The following UGT2B11 variants were observed in gnomAD, a reference collection of about 807,000 sequenced individuals.
The protein encoded by UGT2B11 is UDP-glucuronosyltransferase 2B11.
Under a neutral mutation model 51.7 loss-of-function variants are expected in UGT2B11, and 49 were observed. The ratio of observed to expected loss-of-function variants is 0.95; its 90% CI spans 0.75 to 1.20. The LOEUF is 1.20. Among genes scored for constraint, UGT2B11 ranks in the 50% most tolerant of loss-of-function variants. The probability of loss-of-function intolerance (pLI) is 0.00; values close to 1 mark genes in which losing one functional copy is unlikely to be tolerated. For synonymous variants in UGT2B11, 273 were observed against 209.0 expected (o/e 1.31, Z -2.64); for missense variants, 810 against 622.1 (o/e 1.30, Z -3.21).
chr4:69,214,025 T>C lies in UGT2B11; in HGVS notation c.698A>G (p.Asp233Gly), dbSNP rs1401225290. The C allele has an allele frequency of 2.5e-6, 4 of 1,591,458 alleles. No individual in the cohort carries two copies. In the East Asian group the frequency reaches 8.9e-5, roughly 36 times the overall value. The change falls in exon 1 of 6, where the codon GAT becomes GGT. Residue 233 changes from aspartate (D) to glycine (G), a missense_variant. Transcript: ENST00000446444. ...ACCTAAAACTTCACTGTAAAACTGATCCCACTTCTTCATATCAGACATTTG... is the reference window on the plus strand; with the variant it reads ...ACCTAAAACTTCACTGTAAAACTGACCCCACTTCTTCATATCAGACATTTG... Reference protein sequence around the residue: ...WFQMSDMKKWDQFYSEVLGRP... With the variant: ...WFQMSDMKKWGQFYSEVLGRP...
chr4:69,220,515 C>T, the UGT2B11 span, among the ~76,000 whole-genome samples: 1 of 1,338 alleles, frequency 7.5e-4, no homozygotes, highest in Non-Finnish European at 0.02. Flanking sequence ...AGAGTTTCTT[C>T]ATGATTGTCT....
upstream of UGT2B11, among the ~76,000 whole-genome samples, chr4:69,217,311 G>C (rs774233098): frequency 6.6e-6 from 1 of 152,122 alleles, no homozygotes; most frequent in Non-Finnish European, 1.5e-5. Flanking sequence ...TCACAAAACA[G>C]ACAAATTTGT....
intron 2 of UGT2B11, among the ~76,000 whole-genome samples, chr4:69,209,934 T>G (rs1216344060): frequency 1.3e-5 from 2 of 151,594 alleles, no homozygotes; most frequent in South Asian, 2.1e-4. Context: ...TATGAAAAGT[T>G]TTTTAAAAAA....
At chr4:69,216,111 A>G (rs1211461967), upstream of UGT2B11, 1 of 151,994 alleles carries the variant, frequency 6.6e-6, no homozygotes, top group Non-Finnish European at 1.5e-5. Context: ...TTGTAAATGG[A>G]TGATAGTAGA....
the UGT2B11 span, among the ~76,000 whole-genome samples, chr4:69,224,111 G>A: frequency 6.6e-6 from 1 of 152,160 alleles, no homozygotes; most frequent in African/African-American, 2.4e-5. Flanking sequence ...ACCATGAACA[G>A]GGATCTTCCG....
At chr4:69,211,676 C>A (rs545958305) in intron 2 of UGT2B11, among the ~76,000 whole-genome samples, 1 of 151,486 alleles carries the variant, frequency 6.6e-6, no homozygotes, top group Admixed American at 6.6e-5. Flanking sequence ...CTAATGATTT[C>A]TATCAACATT....
chr4:69,218,024 G>A (rs971555441), upstream of UGT2B11, among the ~76,000 whole-genome samples: 4 of 152,104 alleles, frequency 2.6e-5, no homozygotes, highest in African/African-American at 2.4e-5. Context: ...TGCTAATACA[G>A]TCATTTTGGT....
the UGT2B11 span, among the ~76,000 whole-genome samples, chr4:69,223,613 C>T: frequency 1.7e-4 from 26 of 152,268 alleles, no homozygotes; most frequent in East Asian, 5.8e-4. Flanking sequence ...GCCCAATTTA[C>T]GTGGGCCTGG....
chr4:69,224,235 A>C, the UGT2B11 span, among the ~76,000 whole-genome samples: 1 of 152,296 alleles, frequency 6.6e-6, no homozygotes, highest in East Asian at 1.9e-4. Context: ...ATTAGGACCC[A>C]GGAGGAAGGG....
intron 1 of UGT2B11, among the ~76,000 whole-genome samples, chr4:69,213,175 A>G (rs1490370728): frequency 1.3e-5 from 2 of 151,594 alleles, no homozygotes; most frequent in Non-Finnish European, 3.0e-5. Context: ...TGAACTCTGT[A>G]CTATTTTGAG....
chr4:69,217,703 A>AG (rs1323279844), upstream of UGT2B11, among the ~76,000 whole-genome samples: 4 of 152,072 alleles, frequency 2.6e-5, no homozygotes, highest in Admixed American at 6.6e-5. Flanking sequence ...ACTTAGCTTC[A>AG]AACTCCCAGT....
chr4:69,219,394 C>T (rs1722355626), upstream of UGT2B11, among the ~76,000 whole-genome samples: 1 of 152,060 alleles, frequency 6.6e-6, no homozygotes. Context: ...TTCTGTAAGT[C>T]ATCTGTTTAT....
At chr4:69,208,940 C>T (rs13148525) in intron 2 of UGT2B11, among the ~76,000 whole-genome samples, 1 of 151,666 alleles carries the variant, frequency 6.6e-6, no homozygotes, top group Non-Finnish European at 1.5e-5. Context: ...CATTAGTGGT[C>T]TACTTCCCTA....
intron 5 of UGT2B11, among the ~76,000 whole-genome samples, chr4:69,202,238 C>T (rs1721685873): frequency 6.6e-6 from 1 of 151,660 alleles, no homozygotes; most frequent in African/African-American, 2.4e-5. Flanking sequence ...GTCACGAACA[C>T]TCTGCTATAC....
At chr4:69,217,055 T>C (rs1457802202), upstream of UGT2B11, among the ~76,000 whole-genome samples, 1 of 152,180 alleles carries the variant, frequency 6.6e-6, no homozygotes, top group Non-Finnish European at 1.5e-5. Flanking sequence ...TCCAAACAGA[T>C]ATGTTTTAAG....
Position 69,212,615 on chromosome 4 carries a change from A to C in UGT2B11, c.828T>G (p.Phe276Leu), listed in dbSNP as rs1336444587. Reference sequence around the variant, plus strand: ...CAGGTTTGCAGTGGAATCCTCCAACAAAATCAACGTTTGGTAAGAATGGAT... The same window carrying C: ...CAGGTTTGCAGTGGAATCCTCCAACCAAATCAACGTTTGGTAAGAATGGAT... ...FPHPFLPNVD[F>L]VGGFHCKPAK... The change falls in exon 2 of 6, where the codon TTT becomes TTG. Residue 276 changes from phenylalanine (F) to leucine (L), a missense_variant. Transcript: ENST00000446444. 5.0e-6 allele frequency: 8 copies of C among 1,609,702 alleles called. No homozygotes were observed. In the Admixed American group the frequency reaches 1.3e-4, roughly 27 times the overall value.
At position 69,205,584 on chromosome 4, in the gene UGT2B11, A is replaced by G. The variant is rs754634688; in HGVS notation, c.1003-17T>C. On this transcript the variant is annotated splice_polypyrimidine_tract_variant and intron_variant, in intron 3 of 5. Transcript: ENST00000446444. The stretch of plus-strand genomic sequence containing the variant: ...CCACAGAACCTGTTACAGTAAAGAG[A>G]ATATCTTATTCCATGAGTGGAACTC... 3.1e-6 allele frequency: 5 copies of G among 1,607,294 alleles called. No homozygotes were observed. Among genetic ancestry groups the G allele is most frequent in the Non-Finnish European group, 4.2e-6 (5 of 1,176,480 alleles).
At chr4:69,205,194 A>G (rs76143072) in intron 4 of UGT2B11, among the ~76,000 whole-genome samples, 7,511 of 151,776 alleles carry the variant, frequency 0.049, 221 homozygotes, top group South Asian at 0.12. Context: ...CAGGTGTAAA[A>G]TTGTAGAAAC....
At chr4:69,215,257 G>A (rs1315830019), upstream of UGT2B11, 5 of 152,524 alleles carry the variant, frequency 3.3e-5, no homozygotes, top group Non-Finnish European at 7.3e-5. Flanking sequence ...AAACTCCTGT[G>A]TATTAGTTCT....
Sources: gnomAD v4.1 joint callset for allele counts (sites outside exome capture counted in the v4.1 genomes callset) on GRCh38, gnomAD v4.1.1 for gene constraint, MANE v1.5 for transcripts, NCBI Gene and HGNC (gene_info 2026-07-23, HGNC 2026-07-21) for gene names.